Variants in BRD1 observed in about 807,000 individuals in gnomAD.
The protein encoded by BRD1 is bromodomain containing 1, also known as bromodomain-containing protein 1.
BRD1 carries 24 observed loss-of-function variants against 107.7 expected under a neutral mutation model. That is an observed-to-expected ratio of 0.22 (90% CI 0.16 to 0.31). The LOEUF (loss-of-function observed/expected upper bound fraction) is 0.31. Ranked by LOEUF, BRD1 falls within the 10% of genes least tolerant of loss-of-function variation. The pLI is 1.00. For synonymous variants in BRD1, 744 were observed against 686.1 expected (o/e 1.08, Z -1.32); for missense variants, 1,279 against 1,638.6 (o/e 0.78, Z 3.79).
In BRD1 at chr22:49,824,615, C is replaced by T. The variant is rs548664453; in HGVS notation, c.-14-284G>A. 174 of 1,242,620 alleles carry T rather than the reference C, an allele frequency of 1.4e-4. No homozygotes were observed. The Admixed American group carries it at 1.8e-3, about 13-fold the overall frequency. 77.0% of individuals were successfully genotyped at this position (1,242,620 alleles called of 1,614,324 possible). ...CACACCAGTCCCCTCTCAGACCACA[C>T]CAACAGGCTGCGGAGACCACAGCAA... On this transcript the variant is annotated intron_variant, in intron 1 of 12. Transcript: ENST00000404760. The surrounding 1 kb of genome is among the most constrained non-coding windows in gnomAD (Gnocchi z 5.9).
chr22:49,823,900 A>G lies in BRD1; in HGVS notation c.418T>C (p.Tyr140His). ...PSAPRRPPVYYKFIEKSAEEL... is the reference protein window; with the variant it reads ...PSAPRRPPVYHKFIEKSAEEL... ...TCGGCCGACTTCTCGATGAACTTGT[A>G]GTACACAGGAGGCCTCCTGGGGGCG... The change falls in exon 2 of 13, where the codon TAC becomes CAC. Residue 140 changes from tyrosine (Y) to histidine (H), a missense_variant. Tyr to His is a moderately conservative substitution (Grantham distance 83, BLOSUM62 2). Transcript: ENST00000404760. 1 of 1,614,172 alleles carries G rather than the reference A, an allele frequency of 6.2e-7. No individual in the cohort carries two copies. The highest frequency in any genetic ancestry group is 8.5e-7 in the Non-Finnish European group (1 of 1,180,028).
chr22:49,820,088 G>A (rs777421216), intron 2 of BRD1, among the ~76,000 whole-genome samples: 3 of 151,728 alleles, frequency 2.0e-5, no homozygotes, highest in Non-Finnish European at 4.4e-5. Context: ...CAAGATCACC[G>A]CACTGCACTG....
chr22:49,823,202 G>T lies in BRD1; in HGVS notation c.1116C>A (p.Gly372=), dbSNP rs376924866. Reference sequence around the variant, plus strand: ...TTCTGACGGAGAAGGTGGTGCCACCGCCAGTCAGTTCCTTCACGGGCTCCA... The same window carrying T: ...TTCTGACGGAGAAGGTGGTGCCACCTCCAGTCAGTTCCTTCACGGGCTCCA... The part of the protein sequence containing the change: ...MKMEPVKELT[G]GGTTFSVRKT... The change falls in exon 2 of 13, where the codon GGC becomes GGA. Residue 372 remains glycine, a synonymous_variant. Transcript: ENST00000404760. The T allele has an allele frequency of 1.3e-5, 21 of 1,614,096 alleles. No individual in the cohort carries two copies. The highest frequency in any genetic ancestry group is 1.8e-5 in the Non-Finnish European group (21 of 1,180,052).
chr22:49,818,274 A>C, intron 2 of BRD1: 1 of 1,275,364 alleles, frequency 7.8e-7, no homozygotes. Flanking sequence ...GTAGTAGAGG[A>C]GCTCCTCCTA....
At chr22:49,802,822 G>T (rs866847385) in intron 3 of BRD1, among the ~76,000 whole-genome samples, 2 of 152,384 alleles carry the variant, frequency 1.3e-5, no homozygotes, top group Middle Eastern at 3.4e-3. Context: ...ACGAGGTGAG[G>T]ACAGAGGAGA....
At chr22:49,775,824 C>CCCCCGCAGCTGTGTGA in intron 11 of BRD1, 79 bp from the exon 12 acceptor site, 3 of 1,281,038 alleles carry the variant, frequency 2.3e-6, no homozygotes, top group Non-Finnish European at 3.0e-6. Context: ...CACCCCCCCC[C>CCCCCGCAGCTGTGTGA]GCCTCCCCAC....
At chr22:49,804,103 G>A (rs2059695116) in intron 3 of BRD1, 101 bp downstream of exon 3, 1 of 1,059,620 alleles carries the variant, frequency 9.4e-7, no homozygotes, top group Non-Finnish European at 1.3e-6. Context: ...GGGAGCCTGA[G>A]CCCAGGGGGC....
Position 49,798,114 on chromosome 22 carries a change from G to A in BRD1, c.1789C>T (p.Pro597Ser). ...TGTTTAATGTGATCCAAATAATCTG[G>A]TACCTAATTTTAGGGAGGAAAAAGA... is the stretch of plus-strand genomic sequence containing the variant. Reference protein sequence around the residue: ...FAQPVSLKEVPDYLDHIKHPM... With the variant: ...FAQPVSLKEVSDYLDHIKHPM... The change falls in exon 6 of 13, where the codon CCA becomes TCA. Residue 597 changes from proline to serine, a missense_variant. This residue lies in a region of BRD1 where 406 missense variants were observed against 519.4 expected (regional missense o/e 0.78). Transcript: ENST00000404760. 1 of 1,597,508 alleles carries A rather than the reference G, an allele frequency of 6.3e-7. No individual in the cohort carries two copies. The highest frequency in any genetic ancestry group is 8.6e-7 in the Non-Finnish European group (1 of 1,169,276).
intron 8 of BRD1, among the ~76,000 whole-genome samples, chr22:49,784,784 G>A (rs2059290276): frequency 6.6e-6 from 1 of 152,216 alleles, no homozygotes; most frequent in Non-Finnish European, 1.5e-5. Context: ...GAGGGCGGAT[G>A]GCGGGACTGG....
At position 49,791,569 on chromosome 22, in the gene BRD1, T is replaced by C. The variant is rs140692345; in HGVS notation, c.2359+2465A>G. Among the ~76,000 whole-genome samples, 46 of 152,360 alleles carry C rather than the reference T, an allele frequency of 3.0e-4. No homozygotes were observed. In the East Asian group the frequency reaches 8.9e-3, roughly 29 times the overall value. ...CGTTCATGCTGGGTTTTTAAATGTC[T>C]GATTCTTGGTTTTCATCCTATTATA... On this transcript the variant is annotated intron_variant, in intron 7 of 12. Transcript: ENST00000404760.
chr22:49,822,556 A>G (rs1251311210), intron 2 of BRD1, among the ~76,000 whole-genome samples: 1 of 147,396 alleles, frequency 6.8e-6, no homozygotes, highest in Non-Finnish European at 1.5e-5. Flanking sequence ...TAAAAAATAC[A>G]AAAATTTGTC....
intron 8 of BRD1, among the ~76,000 whole-genome samples, chr22:49,784,073 C>T (rs952457826): frequency 3.3e-5 from 5 of 152,162 alleles, no homozygotes; most frequent in African/African-American, 9.7e-5. Flanking sequence ...AAGACACCCC[C>T]GCGCTCTCAC....
intron 2 of BRD1, among the ~76,000 whole-genome samples, chr22:49,807,449 T>A (rs138859): frequency 3.9e-5 from 6 of 152,100 alleles, no homozygotes; most frequent in Non-Finnish European, 5.9e-5. Flanking sequence ...CAGAGAACCC[T>A]GAAGCGAACC....
chr22:49,814,098 G>A (rs993009418), intron 2 of BRD1, among the ~76,000 whole-genome samples: 6 of 152,204 alleles, frequency 3.9e-5, no homozygotes, highest in Non-Finnish European at 2.9e-5. Context: ...TGGAATGGAA[G>A]GAATGGGAGA....
intron 6 of BRD1, among the ~76,000 whole-genome samples, chr22:49,797,090 C>T (rs1203044573): frequency 1.3e-5 from 2 of 152,210 alleles, no homozygotes; most frequent in Non-Finnish European, 2.9e-5. Context: ...ACACACCCTT[C>T]GACAGACAAT....
chr22:49,788,267 C>T (rs138840), intron 7 of BRD1, among the ~76,000 whole-genome samples: 12,151 of 152,182 alleles, frequency 0.08, 637 homozygotes, highest in Non-Finnish European at 0.11. Context: ...ACGGGCATTC[C>T]CACAGAGCTC....
At chr22:49,818,297 C>G (rs1417772668) in intron 2 of BRD1, 1 of 1,278,316 alleles carries the variant, frequency 7.8e-7, no homozygotes, top group Non-Finnish European at 1.0e-6. Context: ...AGATCTGAAG[C>G]AGTCAAAGGA....
chr22:49,781,921 A>C (rs2059216314), intron 8 of BRD1, among the ~76,000 whole-genome samples: 1 of 152,062 alleles, frequency 6.6e-6, no homozygotes, highest in Non-Finnish European at 1.5e-5. Flanking sequence ...AGACCGACCC[A>C]AGGCCCATGT....
rs746179723 is a variant in BRD1, at chr22:49,818,138, G to A, written c.1367+4813C>T. On this transcript the variant is annotated intron_variant, in intron 2 of 12. Transcript: ENST00000404760. ...AAAATAAAATGACACCAGTGAAGGC[G>A]GGAGGAGCACCCTATCAGGGTGAAG... The A allele has an allele frequency of 2.5e-4, 216 of 859,924 alleles. 2 individuals carry two copies. The highest frequency in any genetic ancestry group is 1.1e-4 in the Admixed American group (2 of 18,984). The allele number at this position is 859,924 out of a possible 1,614,324, so 53.3% of individuals were successfully genotyped here. A position where few individuals can be genotyped will look rare whatever the true frequency, so the allele number is the denominator to read the frequency against.
Sources: allele counts gnomAD v4.1 joint callset (sites outside exome capture counted in the v4.1 genomes callset), GRCh38; gene constraint gnomAD v4.1.1; regional missense constraint gnomAD v4.1.1; non-coding constraint Gnocchi (gnomAD v3.1); transcripts MANE v1.5; gene names NCBI Gene and HGNC (gene_info 2026-07-23, HGNC 2026-07-21).